Variants in ATXN1 observed in about 807,000 individuals in gnomAD.
ATXN1 encodes the protein ataxin 1.
In ATXN1, 8 loss-of-function variants were observed where a neutral mutation model predicts 56.4. The observed-to-expected ratio is 0.14, with a 90% CI of 0.08 to 0.26. The LOEUF (loss-of-function observed/expected upper bound fraction) is 0.26, where lower values mean the gene tolerates loss of function less well. Among genes scored for constraint, ATXN1 ranks in the 10% least tolerant of loss-of-function variants. ATXN1 has a pLI of 1.00. For missense variants in ATXN1, 987 were observed against 1,106.5 expected (o/e 0.89, Z 1.53); for synonymous variants, 514 against 494.6 (o/e 1.04, Z -0.52).
At position 16,744,305 on chromosome 6, in the gene ATXN1, A is replaced by G. The variant is rs554511544; in HGVS notation, c.-615+8928T>C. On this transcript the variant is annotated intron_variant, in intron 2 of 7. Transcript: ENST00000436367. ...AGCATCGTGCCTCTCTGGTTCCTAC[A>G]TGGATGAAAACCAGCGCCAAGGAGC... Among the ~76,000 whole-genome samples, 8 of 152,302 alleles carry G rather than the reference A, an allele frequency of 5.3e-5. No individual in the cohort carries two copies. In the East Asian group the frequency reaches 1.5e-3, roughly 29 times the overall value.
At chr6:16,532,685 A>G (rs1358364490) in intron 4 of ATXN1, among the ~76,000 whole-genome samples, 1 of 152,218 alleles carries the variant, frequency 6.6e-6, no homozygotes. Context: ...ACTCACATTA[A>G]GATGGCTCTG....
intron 3 of ATXN1, among the ~76,000 whole-genome samples, chr6:16,625,088 T>C (rs1418976524): frequency 6.6e-6 from 1 of 152,192 alleles, no homozygotes. Flanking sequence ...TTTGATGCCA[T>C]CCTTATGCCT....
intron 6 of ATXN1, among the ~76,000 whole-genome samples, chr6:16,403,635 G>A (rs1020840041): frequency 6.6e-6 from 1 of 152,210 alleles, no homozygotes; most frequent in Admixed American, 6.5e-5. Flanking sequence ...ACAGGCGTGA[G>A]CCATGGCGCC....
chr6:16,680,051 G>A (rs540759108), intron 2 of ATXN1, among the ~76,000 whole-genome samples: 50 of 152,192 alleles, frequency 3.3e-4, no homozygotes, highest in African/African-American at 1.2e-3. Flanking sequence ...ATTTGCCAAG[G>A]CCCAATACAC....
chr6:16,443,874 T>C (rs1332831498), intron 6 of ATXN1, among the ~76,000 whole-genome samples: 2 of 152,262 alleles, frequency 1.3e-5, no homozygotes, highest in Non-Finnish European at 2.9e-5. Flanking sequence ...CCCAGCACTT[T>C]GGGAGGCCAA....
intron 6 of ATXN1, among the ~76,000 whole-genome samples, chr6:16,439,177 G>A (rs1392344595): frequency 1.3e-5 from 2 of 151,620 alleles, no homozygotes; most frequent in African/African-American, 2.4e-5. Context: ...GGGCCTCCAA[G>A]AATTTAAAAA....
chr6:16,730,507 A>ATATATATATATATATATATAT (rs1759950843), intron 2 of ATXN1, among the ~76,000 whole-genome samples: 1 of 146,164 alleles, frequency 6.8e-6, no homozygotes. Flanking sequence ...ATATATATAT[A>ATATATATATATATATATATAT]AATGTATTTA....
intron 4 of ATXN1, among the ~76,000 whole-genome samples, chr6:16,584,968 C>G (rs779601519): frequency 1.3e-5 from 2 of 152,026 alleles, no homozygotes; most frequent in Non-Finnish European, 2.9e-5. Flanking sequence ...TGTGGTGGAT[C>G]ACGCCTGTAA....
chr6:16,550,153 T>TAAAAAAAAAAAAAAAAAAAAAAAA (rs1194433906), intron 4 of ATXN1, among the ~76,000 whole-genome samples: 1 of 34,182 alleles, frequency 2.9e-5, no homozygotes, highest in African/African-American at 9.0e-5. Context: ...ATAAATAAAA[T>TAAAAAAAAAAAAAAAAAAAAAAAA]ACAAAAAAAA....
In ATXN1 at chr6:16,559,502, C is replaced by G. The variant is rs112351111; in HGVS notation, c.-361+26278G>C. ...CCGATAAGAAAGGTTTTCCAGGACA[C>G]ACTGTTAGGTGAAAAGAGGTAAAGG... On this transcript the variant is annotated intron_variant, in intron 4 of 7. Transcript: ENST00000436367. Among the ~76,000 whole-genome samples, 518 of 152,150 alleles carry G rather than the reference C, an allele frequency of 3.4e-3. 4 individuals carry two copies. Among genetic ancestry groups the G allele is most frequent in the African/African-American group, 0.012 (479 of 41,498 alleles).
At position 16,648,075 on chromosome 6, in the gene ATXN1, C is replaced by T. The variant is rs139186298; in HGVS notation, c.-489+9701G>A. On this transcript the variant is annotated intron_variant, in intron 3 of 7. Transcript: ENST00000436367. ...GGGCAACAAGAACGAAACTCCATCT[C>T]AAAAACAAAATAAAATAAAATAAAA... is the stretch of plus-strand genomic sequence containing the variant. Among the ~76,000 whole-genome samples, 67 of 152,254 alleles carry T rather than the reference C, an allele frequency of 4.4e-4. No individual in the cohort carries two copies. The East Asian group carries it at 0.012, about 28-fold the overall frequency.
rs1760878829 is a variant in ATXN1 at position 16,327,918 on chromosome 6, C to A, written c.393G>T (p.Gly131=). The A allele has an allele frequency of 2.5e-6, 4 of 1,610,240 alleles. No homozygotes were observed. In the Middle Eastern group the frequency reaches 4.9e-4, roughly 199 times the overall value. ...AHLPHTFQFI[G]SSQYSGTYAS... ...CATAGGTTCCACTGTATTGGGAGGA[C>A]CCAATGAACTGGAAGGTGTGCGGCA... Residue 131 remains glycine, a synonymous_variant, in exon 7 of 8, where the codon GGG becomes GGT. Coordinates refer to ENST00000436367, the MANE Select transcript of ATXN1 (RefSeq NM_001128164.2).
At position 16,511,667 on chromosome 6, in the gene ATXN1, T is replaced by C. The variant is rs140573517; in HGVS notation, c.-299+10960A>G. ...GGGAAGCCAAAGTGAGAGGATTGCT[T>C]GAGCCCAGGAATTCAAGACCAGCCA... On this transcript the variant is annotated intron_variant, in intron 5 of 7. Coordinates refer to ENST00000436367, the MANE Select transcript of ATXN1 (RefSeq NM_001128164.2). 6.6e-5 allele frequency among the ~76,000 whole-genome samples: 10 copies of C among 152,310 alleles called. No homozygotes were observed. In the East Asian group the frequency reaches 1.9e-3, roughly 29 times the overall value.
At position 16,497,761 on chromosome 6, in the gene ATXN1, T is replaced by A. The variant is rs112042712; in HGVS notation, c.-298-11652A>T. On this transcript the variant is annotated intron_variant, in intron 5 of 7. Transcript: ENST00000436367. ...AAGGAAGAGGTGCCCAAGCTTCTGT[T>A]TGAGTTAACACAGACCTTTCCAGGT... Among the ~76,000 whole-genome samples, 275 of 152,298 alleles carry A rather than the reference T, an allele frequency of 1.8e-3. 2 individuals are homozygous for A. The highest frequency in any genetic ancestry group is 6.1e-3 in the African/African-American group (252 of 41,566).
chr6:16,716,534 C>T (rs1486089112), intron 2 of ATXN1, among the ~76,000 whole-genome samples: 1 of 152,164 alleles, frequency 6.6e-6, no homozygotes, highest in Admixed American at 6.5e-5. Flanking sequence ...TCTGTTTGTT[C>T]ACTGAATTGT....
intron 6 of ATXN1, among the ~76,000 whole-genome samples, chr6:16,385,683 C>T (rs886743643): frequency 6.6e-6 from 1 of 152,228 alleles, no homozygotes; most frequent in Non-Finnish European, 1.5e-5. Flanking sequence ...CCCCTACATG[C>T]AGTAGGTACT....
At position 16,579,271 on chromosome 6, in the gene ATXN1, C is replaced by T. The variant is rs374532959; in HGVS notation, c.-361+6509G>A. ...AAGATGGAAGACACACACCAAAAAA[C>T]ACTCTATGCAGCCACTAAAATGCAC... On this transcript the variant is annotated intron_variant, in intron 4 of 7. Coordinates refer to ENST00000436367, the MANE Select transcript of ATXN1 (RefSeq NM_001128164.2). 2.6e-4 allele frequency among the ~76,000 whole-genome samples: 40 copies of T among 152,280 alleles called. No homozygotes were observed. In the East Asian group the frequency reaches 7.3e-3, roughly 28 times the overall value.
intron 6 of ATXN1, among the ~76,000 whole-genome samples, chr6:16,331,754 C>T (rs1760998128): frequency 6.6e-6 from 1 of 152,200 alleles, no homozygotes; most frequent in African/African-American, 2.4e-5. Flanking sequence ...GCAAATGTAA[C>T]ATTGCCTGTA....
At chr6:16,632,083 G>A (rs1763514116) in intron 3 of ATXN1, among the ~76,000 whole-genome samples, 1 of 152,166 alleles carries the variant, frequency 6.6e-6, no homozygotes, top group Admixed American at 6.5e-5. Context: ...TTAAATGAGA[G>A]GCTACAGCTA....
Sources: gnomAD v4.1 joint callset for allele counts (sites outside exome capture counted in the v4.1 genomes callset) on GRCh38, gnomAD v4.1.1 for gene constraint, MANE v1.5 for transcripts, NCBI Gene and HGNC (gene_info 2026-07-23, HGNC 2026-07-21) for gene names.